The following CHCHD6 variants were observed in gnomAD, a reference collection of about 807,000 sequenced individuals.
CHCHD6 encodes MICOS complex subunit MIC25.
A neutral mutation model predicts 32.3 loss-of-function variants in CHCHD6; 28 were observed. The ratio of observed to expected loss-of-function variants is 0.87; its 90% CI spans 0.64 to 1.19. CHCHD6 has a LOEUF of 1.19. Ranked by LOEUF, CHCHD6 falls within the 50% of genes most tolerant of loss-of-function variation. The pLI is 0.00. For synonymous variants in CHCHD6, 122 were observed against 117.5 expected (o/e 1.04, Z -0.25); for missense variants, 333 against 307.0 (o/e 1.08, Z -0.63).
At chr3:126,723,789 GAGT>G (rs1354169566) in intron 1 of CHCHD6, among the ~76,000 whole-genome samples, 1 of 152,176 alleles carries the variant, frequency 6.6e-6, no homozygotes, top group Non-Finnish European at 1.5e-5. Flanking sequence ...GTACATGGGG[GAGT>G]AGTTTTCTCA....
chr3:126,844,093 T>C (rs1192360629), intron 4 of CHCHD6, among the ~76,000 whole-genome samples: 2 of 152,248 alleles, frequency 1.3e-5, no homozygotes, highest in Non-Finnish European at 2.9e-5. Flanking sequence ...TCATAGAACA[T>C]ACTTTGTGTG....
intron 5 of CHCHD6, among the ~76,000 whole-genome samples, chr3:126,911,221 C>T (rs923773384): frequency 3.3e-5 from 5 of 152,138 alleles, no homozygotes; most frequent in African/African-American, 9.7e-5. Context: ...CAGAGCTCCA[C>T]GAGGCCAGGG....
At chr3:126,830,767 T>C (rs1940604780) in intron 4 of CHCHD6, among the ~76,000 whole-genome samples, 1 of 152,214 alleles carries the variant, frequency 6.6e-6, no homozygotes, top group Non-Finnish European at 1.5e-5. Context: ...TGGATATTCA[T>C]GTCCTTTGGT....
chr3:126,751,959 C>T (rs943626664), intron 4 of CHCHD6, among the ~76,000 whole-genome samples: 3 of 152,226 alleles, frequency 2.0e-5, no homozygotes, highest in African/African-American at 7.2e-5. Context: ...CTCTGGGACA[C>T]GGCCTCATGC....
chr3:126,870,439 C>T (rs1016265362), intron 5 of CHCHD6, among the ~76,000 whole-genome samples: 3 of 152,148 alleles, frequency 2.0e-5, no homozygotes, highest in Non-Finnish European at 2.9e-5. Context: ...TCCCCTTAAC[C>T]GTTCTCCCAG....
At chr3:126,834,030 G>A (rs940389040) in intron 4 of CHCHD6, among the ~76,000 whole-genome samples, 4 of 136,054 alleles carry the variant, frequency 2.9e-5, no homozygotes, top group African/African-American at 1.2e-4. Context: ...CTCCAGACTG[G>A]GCGACAGAGC....
rs151079773 is a variant in CHCHD6, at chr3:126,902,797, G to A, written c.496-11883G>A. Among the ~76,000 whole-genome samples the A allele has an allele frequency of 1.7e-4, 26 of 151,932 alleles. 1 individual carries two copies. In the East Asian group the frequency reaches 4.7e-3, roughly 27 times the overall value. On this transcript the variant is annotated intron_variant, in intron 5 of 7. Coordinates refer to ENST00000290913, the MANE Select transcript of CHCHD6 (RefSeq NM_032343.3). ...TCCCTTCTGCACATCCATGCTCCTC[G>A]GACCTCACACACATGGACCACCTGC...
At chr3:126,952,030 G>A (rs985473652) in intron 6 of CHCHD6, among the ~76,000 whole-genome samples, 7 of 152,208 alleles carry the variant, frequency 4.6e-5, no homozygotes, top group African/African-American at 1.7e-4. Context: ...GATTAAATGA[G>A]GTAATGCTTC....
chr3:126,813,850 C>T (rs936353278), intron 4 of CHCHD6, among the ~76,000 whole-genome samples: 2 of 152,210 alleles, frequency 1.3e-5, no homozygotes, highest in African/African-American at 4.8e-5. Context: ...CTCAAAGCAT[C>T]AGTGAATTGG....
chr3:126,860,308 G>T (rs1941812930), intron 5 of CHCHD6, among the ~76,000 whole-genome samples: 1 of 152,158 alleles, frequency 6.6e-6, no homozygotes, highest in Admixed American at 6.5e-5. Flanking sequence ...CTGAGTGAGG[G>T]ATCTGAGCCC....
intron 6 of CHCHD6, among the ~76,000 whole-genome samples, chr3:126,934,642 G>A (rs753699027): frequency 9.9e-4 from 145 of 146,588 alleles, no homozygotes; most frequent in Non-Finnish European, 1.8e-3. Flanking sequence ...TCTGCCTCCC[G>A]GGTTCACGCC....
chr3:126,887,251 C>CTT (rs879774653), intron 5 of CHCHD6, among the ~76,000 whole-genome samples: 1 of 145,504 alleles, frequency 6.9e-6, no homozygotes, highest in Admixed American at 6.9e-5. Context: ...TGCTGAGCAT[C>CTT]TTTTTTTTTT....
rs147005754 is a variant in CHCHD6, at chr3:126,720,263, T to C, written c.88-6815T>C. 8.5e-4 allele frequency among the ~76,000 whole-genome samples: 130 copies of C among 152,296 alleles called. 1 individual carries two copies. Among genetic ancestry groups the C allele is most frequent in the African/African-American group, 3.0e-3 (123 of 41,580 alleles). On this transcript the variant is annotated intron_variant, in intron 1 of 7. Coordinates refer to ENST00000290913, the MANE Select transcript of CHCHD6 (RefSeq NM_032343.3). Reference sequence around the variant, plus strand: ...GTGTGGATTAGGACATCGTCAGCTGTGACTGCCACTGTCATGTAGATCACA... The same window carrying C: ...GTGTGGATTAGGACATCGTCAGCTGCGACTGCCACTGTCATGTAGATCACA...
At chr3:126,791,246 T>C (rs555365087) in intron 4 of CHCHD6, among the ~76,000 whole-genome samples, 1 of 152,278 alleles carries the variant, frequency 6.6e-6, no homozygotes, top group East Asian at 1.9e-4. Context: ...GGGGGGTGCC[T>C]CCCAGTTAGG....
intron 6 of CHCHD6, among the ~76,000 whole-genome samples, chr3:126,933,958 C>T (rs1047602806): frequency 6.6e-6 from 1 of 152,222 alleles, no homozygotes; most frequent in South Asian, 2.1e-4. Context: ...CACTCTCACA[C>T]TCGCTCTGCC....
Position 126,772,232 on chromosome 3 carries a change from G to A in CHCHD6, c.411+39010G>A, listed in dbSNP as rs1937555818. Among the ~76,000 whole-genome samples, 3 of 152,260 alleles carry A rather than the reference G, an allele frequency of 2.0e-5. No individual in the cohort carries two copies. The South Asian group carries it at 6.2e-4, about 32-fold the overall frequency. On this transcript the variant is annotated intron_variant, in intron 4 of 7. Transcript: ENST00000290913. ...TTCTCCTGCCTCAGCCTCCCGAGTAGCTGGGACTACAGGTGCCCGCAACCA... is the reference window on the plus strand; with the variant it reads ...TTCTCCTGCCTCAGCCTCCCGAGTAACTGGGACTACAGGTGCCCGCAACCA...
rs191635913 is a variant in CHCHD6, at chr3:126,740,576, C to T, written c.411+7354C>T. On this transcript the variant is annotated intron_variant, in intron 4 of 7. Coordinates refer to ENST00000290913, the MANE Select transcript of CHCHD6 (RefSeq NM_032343.3). ...ATGTCCAGGCCCACATGGCTGCTAA[C>T]GTACAGGGCTAATCCTTCCATAGAA... 1.9e-3 allele frequency among the ~76,000 whole-genome samples: 291 copies of T among 152,278 alleles called. 1 individual carries two copies. The highest frequency in any genetic ancestry group is 6.6e-3 in the African/African-American group (276 of 41,552).
chr3:126,943,792 A>G (rs1482490707), intron 6 of CHCHD6, among the ~76,000 whole-genome samples: 2 of 152,160 alleles, frequency 1.3e-5, no homozygotes, highest in Non-Finnish European at 2.9e-5. Flanking sequence ...GGAAGACAGT[A>G]GAGGGAGGGG....
At chr3:126,887,496 C>T (rs894202133) in intron 5 of CHCHD6, among the ~76,000 whole-genome samples, 9 of 152,082 alleles carry the variant, frequency 5.9e-5, no homozygotes, top group South Asian at 2.1e-4. Context: ...TCTGGCTTGG[C>T]TCTCATGCAG....
Sources: allele counts gnomAD v4.1 joint callset (sites outside exome capture counted in the v4.1 genomes callset), GRCh38; gene constraint gnomAD v4.1.1; transcripts MANE v1.5; gene names NCBI Gene and HGNC (gene_info 2026-07-23, HGNC 2026-07-21).